The following GEN1 variants were observed in gnomAD, a reference collection of about 807,000 sequenced individuals.
GEN1 encodes flap endonuclease GEN homolog 1.
A neutral mutation model predicts 67.6 loss-of-function variants in GEN1; 64 were observed. The observed-to-expected ratio is 0.95, with a 90% CI of 0.77 to 1.17. The LOEUF (loss-of-function observed/expected upper bound fraction) is 1.17, where lower values mean the gene tolerates loss of function less well. GEN1 is among the 50% of genes most tolerant of loss of function. The probability of loss-of-function intolerance (pLI) is 0.00; values close to 1 mark genes in which losing one functional copy is unlikely to be tolerated. For missense variants in GEN1, 1,058 were observed against 1,048.3 expected, an observed-to-expected ratio of 1.01 and a Z score of -0.13; for synonymous variants, 371 against 359.4, an observed-to-expected ratio of 1.03 and a Z score of -0.37.
chr2:17,785,223 T>TA lies in GEN1; in HGVS notation c.*3285dup, dbSNP rs1256528892. 6.6e-6 allele frequency: 1 copy of TA among 152,262 alleles called. No homozygotes were observed. The highest frequency in any genetic ancestry group is 1.5e-5 in the Non-Finnish European group (1 of 68,056). The allele number at this position is 152,262 out of a possible 1,614,324, so 9.4% of individuals were successfully genotyped here. A position where few individuals can be genotyped will look rare whatever the true frequency, so the allele number is the denominator to read the frequency against. Reference sequence around the variant, plus strand: ...TGCCAGAAAGGTTGGGGACTGCTGATATACCTAATATAGGCATAAGTGTAA... The same window carrying TA: ...TGCCAGAAAGGTTGGGGACTGCTGATAATACCTAATATAGGCATAAGTGTAA... On this transcript the variant is annotated 3_prime_UTR_variant, in exon 14 of 14. Transcript: ENST00000381254.
In GEN1 at chr2:17,786,449, G is replaced by A. The variant is rs1467780013; in HGVS notation, c.*4510G>A. ...AAAATTGTGCTTGCTTAAATATAAT[G>A]TGGTAACTAATATTCATCTAATCAC... On this transcript the variant is annotated 3_prime_UTR_variant, in exon 14 of 14. Coordinates refer to ENST00000381254, the MANE Select transcript of GEN1 (RefSeq NM_001130009.3). 3.3e-5 allele frequency: 5 copies of A among 152,054 alleles called. No individual in the cohort carries two copies. The highest frequency in any genetic ancestry group is 1.2e-4 in the African/African-American group (5 of 41,444). The allele number at this position is 152,054 out of a possible 1,614,324, so 9.4% of individuals were successfully genotyped here. A position where few individuals can be genotyped will look rare whatever the true frequency, so the allele number is the denominator to read the frequency against.
At chr2:17,774,051 A>T (rs571947583) in intron 10 of GEN1, among the ~76,000 whole-genome samples, 1 of 152,158 alleles carries the variant, frequency 6.6e-6, no homozygotes, top group Non-Finnish European at 1.5e-5. Flanking sequence ...GTTACCCAAC[A>T]TCTAAGAAAT....
At position 17,768,747 on chromosome 2, in the gene GEN1, G is replaced by A; in HGVS notation, c.646G>A (p.Gly216Arg). ...GCDYLPKGVP[G>R]VGKEQALKLI... ...TCCCACTTTCTGAAAGGGAGTCCCT[G>A]GAGTTGGAAAAGAGCAAGCATTAAA... The change falls in exon 6 of 14, where the codon GGA becomes AGA. Residue 216 changes from glycine to arginine, a missense_variant. Gly to Arg is a moderately radical substitution (Grantham distance 125, BLOSUM62 -2). Transcript: ENST00000381254. The A allele has an allele frequency of 6.2e-7, 1 of 1,609,448 alleles. No homozygotes were observed. Among genetic ancestry groups the A allele is most frequent in the South Asian group, 1.1e-5 (1 of 90,642 alleles).
chr2:17,760,185 CTTTT>C (rs1671608063), intron 2 of GEN1, 81 bp downstream of exon 2: 1 of 1,307,492 alleles, frequency 7.6e-7, no homozygotes, highest in Admixed American at 2.4e-5. Flanking sequence ...CTTTTTTTTT[CTTTT>C]GTTGTTGTTA....
At chr2:17,766,857 G>A (rs115108757) in intron 5 of GEN1, among the ~76,000 whole-genome samples, 168 bp downstream of exon 5, 2,124 of 152,200 alleles carry the variant, frequency 0.014, 16 homozygotes, top group Non-Finnish European at 0.016. Context: ...ATTTCAGATG[G>A]CACTAAAAAG....
chr2:17,773,078 A>T lies in GEN1; in HGVS notation c.954-18A>T, dbSNP rs377403199. On this transcript the variant is annotated intron_variant, in intron 8 of 13. Coordinates refer to ENST00000381254, the MANE Select transcript of GEN1 (RefSeq NM_001130009.3). ...TTGTCTGATTATAGTAATAACATGT[A>T]TATAATTTTTTTTTCAGGAAAGCTT... 25 of 1,505,378 alleles carry T rather than the reference A, an allele frequency of 1.7e-5. No individual in the cohort carries two copies. Among genetic ancestry groups the T allele is most frequent in the Admixed American group, 3.4e-5 (2 of 59,188 alleles). 93.3% of individuals were successfully genotyped at this position (1,505,378 alleles called of 1,614,324 possible). A position where few individuals can be genotyped will look rare whatever the true frequency, so the allele number is the denominator to read the frequency against.
Sources: allele counts gnomAD v4.1 joint callset (sites outside exome capture counted in the v4.1 genomes callset), GRCh38; gene constraint gnomAD v4.1.1; transcripts MANE v1.5; gene names NCBI Gene and HGNC (gene_info 2026-07-23, HGNC 2026-07-21).